Variants in BDH1 observed in about 807,000 individuals in gnomAD.
BDH1 encodes the protein 3-hydroxybutyrate dehydrogenase 1.
In BDH1, 30 loss-of-function variants were observed where a neutral mutation model predicts 33.1. The ratio of observed to expected loss-of-function variants is 0.91; its 90% CI spans 0.68 to 1.23. BDH1 has a LOEUF of 1.23. BDH1 is among the 50% of genes most tolerant of loss of function. The probability of loss-of-function intolerance (pLI) is 0.00; values close to 1 mark genes in which losing one functional copy is unlikely to be tolerated. For missense variants in BDH1, 443 were observed against 464.4 expected, an observed-to-expected ratio of 0.95 and a Z score of 0.42; for synonymous variants, 190 against 183.6, an observed-to-expected ratio of 1.03 and a Z score of -0.28.
At chr3:197,546,812 A>G (rs1166918868) in intron 2 of BDH1, among the ~76,000 whole-genome samples, 1 of 152,182 alleles carries the variant, frequency 6.6e-6, no homozygotes, top group Admixed American at 6.5e-5. Flanking sequence ...CCCGCCAACC[A>G]CTGGGAGACT....
At chr3:197,515,019 C>CGATA (rs1432212072) in intron 6 of BDH1, among the ~76,000 whole-genome samples, 1 of 152,200 alleles carries the variant, frequency 6.6e-6, no homozygotes, top group African/African-American at 2.4e-5. Flanking sequence ...TCTCCCGGGC[C>CGATA]GATAGCCCCG....
intron 2 of BDH1, among the ~76,000 whole-genome samples, chr3:197,549,127 T>C (rs1716342464): frequency 6.6e-6 from 1 of 152,106 alleles, no homozygotes; most frequent in Non-Finnish European, 1.5e-5. Context: ...GGGTGCTCAG[T>C]CTCCTCAGCC....
At chr3:197,562,214 GTTTCT>G (rs1193749930) in intron 1 of BDH1, among the ~76,000 whole-genome samples, 19 of 151,428 alleles carry the variant, frequency 1.3e-4, no homozygotes, top group Admixed American at 2.6e-4. Context: ...GTCTTGGCTG[GTTTCT>G]TTTCTTTTCT....
At chr3:197,539,904 G>A (rs1028641912) in intron 3 of BDH1, among the ~76,000 whole-genome samples, 4 of 152,196 alleles carry the variant, frequency 2.6e-5, no homozygotes, top group African/African-American at 7.2e-5. Flanking sequence ...TTGCACAGCC[G>A]GCTCTGCGTG....
At position 197,518,857 on chromosome 3, in the gene BDH1, C is replaced by G. The variant is rs1445222937; in HGVS notation, c.409+3783G>C. On this transcript the variant is annotated intron_variant, in intron 6 of 7. Transcript: ENST00000392379. ...CCATCCCCTCCTCAGGCCGACCCCC[C>G]TCATCAGTCACTTCCTGCTCTATGG... Among the ~76,000 whole-genome samples, 5 of 63,606 alleles carry G rather than the reference C, an allele frequency of 7.9e-5. 1 individual carries two copies. The highest frequency in any genetic ancestry group is 4.0e-4 in the African/African-American group (5 of 12,630). The allele number at this position is 63,606 out of a possible 152,430, so 41.7% of individuals were successfully genotyped here.
intron 3 of BDH1, among the ~76,000 whole-genome samples, chr3:197,539,848 G>A (rs1342695401): frequency 1.3e-5 from 2 of 152,224 alleles, no homozygotes; most frequent in African/African-American, 4.8e-5. Context: ...CTTGATTCCT[G>A]AATGTTTGGA....
intron 4 of BDH1, among the ~76,000 whole-genome samples, chr3:197,533,230 G>GCC (rs71632223): frequency 0.22 from 32,848 of 151,658 alleles, 3,884 homozygotes; most frequent in African/African-American, 0.31. Context: ...GGGAGTTCTC[G>GCC]CCCCCCACCT....
chr3:197,529,158 C>T (rs2108737172), intron 5 of BDH1: 1 of 152,310 alleles, frequency 6.6e-6, no homozygotes, highest in South Asian at 2.1e-4. Context: ...TTCAGGAAAG[C>T]AGTTTGGGGA....
intron 3 of BDH1, among the ~76,000 whole-genome samples, chr3:197,536,174 G>A (rs769596275): frequency 6.6e-6 from 1 of 152,124 alleles, no homozygotes; most frequent in African/African-American, 2.4e-5. Context: ...TTTTGAAAAC[G>A]TTATCTTTCC....
At chr3:197,531,121 C>T (rs936146143) in intron 5 of BDH1, among the ~76,000 whole-genome samples, 9 of 152,084 alleles carry the variant, frequency 5.9e-5, no homozygotes, top group African/African-American at 2.2e-4. Context: ...TTGGGCCAGA[C>T]GTGGTGGCTC....
rs1290506032 is a variant in BDH1 at position 197,525,894 on chromosome 3, C to G, written c.268-3113G>C. Among the ~76,000 whole-genome samples the G allele has an allele frequency of 6.6e-6, 1 of 152,154 alleles. No individual in the cohort carries two copies. Among genetic ancestry groups the G allele is most frequent in the African/African-American group, 2.4e-5 (1 of 41,442 alleles). ...CTCCCTCTGCAGGTCTGTGTGCTCC[C>G]TCTGCTGGTCTCCGTGCTCCCTCTG... On this transcript the variant is annotated intron_variant, in intron 5 of 7. Transcript: ENST00000392379. The surrounding 1 kb of genome is among the most constrained non-coding windows in gnomAD (Gnocchi z 4.9).
chr3:197,512,125 C>A lies in BDH1; in HGVS notation c.802G>T (p.Val268Leu). Residue 268 changes from valine (V) to leucine (L), a missense_variant, in exon 8 of 8, where the codon GTG becomes TTG. Val to Leu is a conservative substitution (Grantham distance 32). Transcript: ENST00000392379. ...KKMWEELPEVVRKDYGKKYFD... is the reference protein window; with the variant it reads ...KKMWEELPEVLRKDYGKKYFD... ...TACTTCTTGCCGTAGTCCTTGCGCACGACCTCAGGCAGCTCCTCCCACATC... is the reference window on the plus strand; with the variant it reads ...TACTTCTTGCCGTAGTCCTTGCGCAAGACCTCAGGCAGCTCCTCCCACATC... 1.2e-6 allele frequency: 2 copies of A among 1,614,206 alleles called. No homozygotes were observed. The highest frequency in any genetic ancestry group is 2.2e-5 in the South Asian group (2 of 91,086).
rs1366038909 is a variant in BDH1 at position 197,520,208 on chromosome 3, G to T, written c.409+2432C>A. Among the ~76,000 whole-genome samples, 1 of 152,104 alleles carries T rather than the reference G, an allele frequency of 6.6e-6. No homozygotes were observed. The highest frequency in any genetic ancestry group is 2.4e-5 in the African/African-American group (1 of 41,396). On this transcript the variant is annotated intron_variant, in intron 6 of 7. Coordinates refer to ENST00000392379, the MANE Select transcript of BDH1 (RefSeq NM_203314.3). The surrounding 1 kb of genome is among the most constrained non-coding windows in gnomAD (Gnocchi z 6.0). ...AGAGGGAGACGGGAAGAAAGCGAGAGCAGGAGATGGGGGACACGCCACTGC... is the reference window on the plus strand; with the variant it reads ...AGAGGGAGACGGGAAGAAAGCGAGATCAGGAGATGGGGGACACGCCACTGC...
intron 2 of BDH1, among the ~76,000 whole-genome samples, chr3:197,547,927 T>C (rs1226790416): frequency 1.3e-5 from 2 of 152,248 alleles, no homozygotes; most frequent in African/African-American, 4.8e-5. Flanking sequence ...GGTTGCTCTC[T>C]GTAAGATCAC....
Position 197,514,308 on chromosome 3 carries a change from A to C in BDH1, c.518T>G (p.Val173Gly), listed in dbSNP as rs150902033. ...GGGGAGAAAGGATTTCGTCATCCGC[A>C]CTGTGCCCCAAAGGTTCACTTCTGC... is the stretch of plus-strand genomic sequence containing the variant. ...QVAEVNLWGT[V>G]RMTKSFLPLI... is the part of the protein sequence containing the mutation. The change falls in exon 7 of 8, where the codon GTG becomes GGG. Residue 173 changes from valine (V) to glycine (G), a missense_variant. Physicochemically the swap from Val to Gly is moderately radical, Grantham distance 109. Coordinates refer to ENST00000392379, the MANE Select transcript of BDH1 (RefSeq NM_203314.3). The surrounding 1 kb of genome is among the most constrained non-coding windows in gnomAD (Gnocchi z 4.2). The C allele has an allele frequency of 3.7e-6, 6 of 1,613,808 alleles. No individual in the cohort carries two copies. The highest frequency in any genetic ancestry group is 1.7e-6 in the Non-Finnish European group (2 of 1,179,896).
At chr3:197,533,184 T>G (rs1251435495) in intron 4 of BDH1, among the ~76,000 whole-genome samples, 1 of 151,814 alleles carries the variant, frequency 6.6e-6, no homozygotes, top group Non-Finnish European at 1.5e-5. Context: ...GCCTCCGGAG[T>G]CTAAACTCTT....
intron 3 of BDH1, among the ~76,000 whole-genome samples, chr3:197,540,903 C>CA (rs1715562761): frequency 6.6e-6 from 1 of 152,302 alleles, no homozygotes; most frequent in East Asian, 1.9e-4. Flanking sequence ...CTGCCCCCCC[C>CA]ACAGCAATAC....
In BDH1 at chr3:197,532,475, C is replaced by T. The variant is rs750913959; in HGVS notation, c.204G>A (p.Gly68=). The T allele has an allele frequency of 1.2e-6, 2 of 1,614,184 alleles. No homozygotes were observed. Among genetic ancestry groups the T allele is most frequent in the Non-Finnish European group, 1.7e-6 (2 of 1,180,024 alleles). ...AATGCAGATGCTTGGCCAATGAGAA[C>T]CCAAATCCAGAGTCACAGCCTGTGA... ...VLVTGCDSGF[G]FSLAKHLHSK... is the part of the protein sequence containing the mutation. The change falls in exon 5 of 8, where the codon GGG becomes GGA. Residue 68 remains glycine (G), a synonymous_variant. Transcript: ENST00000392379.
chr3:197,560,319 A>T (rs1560346253), upstream of BDH1, among the ~76,000 whole-genome samples: 1 of 152,238 alleles, frequency 6.6e-6, no homozygotes, highest in Non-Finnish European at 1.5e-5. Context: ...GTGTGCTTAT[A>T]CTGGTCCAAG....
Sources: gnomAD v4.1 joint callset for allele counts (sites outside exome capture counted in the v4.1 genomes callset) on GRCh38, gnomAD v4.1.1 for gene constraint, Gnocchi (gnomAD v3.1) non-coding constraint, MANE v1.5 for transcripts, NCBI Gene and HGNC (gene_info 2026-07-23, HGNC 2026-07-21) for gene names.